ZNF354C: variants seen among roughly 807,000 people sequenced by gnomAD.
ZNF354C encodes KRAB-zinc finger protein synten.
Under a neutral mutation model 12.4 loss-of-function variants are expected in ZNF354C, and 7 were observed. The observed-to-expected ratio is 0.56, with a 90% CI of 0.32 to 1.06. The LOEUF (loss-of-function observed/expected upper bound fraction) is 1.06, where lower values mean the gene tolerates loss of function less well. Among genes scored for constraint, ZNF354C ranks in the 50% least tolerant of loss-of-function variants. The probability of loss-of-function intolerance (pLI) is 0.04; values close to 1 mark genes in which losing one functional copy is unlikely to be tolerated. For synonymous variants in ZNF354C, 202 were observed against 224.5 expected (o/e 0.90, Z 0.90); for missense variants, 609 against 658.0 (o/e 0.93, Z 0.81).
At position 179,078,882 on chromosome 5, in the gene ZNF354C, T is replaced by G. The variant is rs368042307; in HGVS notation, c.450T>G (p.His150Gln). Residue 150 changes from histidine to glutamine, a missense_variant, in exon 5 of 5, where the codon CAT (histidine) becomes CAG (glutamine). His to Gln is a conservative substitution (Grantham distance 24, BLOSUM62 0). Coordinates refer to ENST00000315475, the MANE Select transcript of ZNF354C (RefSeq NM_014594.3). ...CTCTTAGACAAATGATAGATTCGCATGAGAAAACCATCAGTGAAGATGGAA... is the reference window on the plus strand; with the variant it reads ...CTCTTAGACAAATGATAGATTCGCAGGAGAAAACCATCAGTGAAGATGGAA... ...KKPLRQMIDS[H>Q]EKTISEDGNH... The G allele has an allele frequency of 5.0e-6, 8 of 1,613,948 alleles. No individual in the cohort carries two copies. The highest frequency in any genetic ancestry group is 5.9e-6 in the Non-Finnish European group (7 of 1,180,010).
rs746981450 is a variant in ZNF354C, at chr5:179,079,223, G to T, written c.791G>T (p.Arg264Ile). 1 of 1,614,050 alleles carries T rather than the reference G, an allele frequency of 6.2e-7. No individual in the cohort carries two copies. Among genetic ancestry groups the T allele is most frequent in the South Asian group, 1.1e-5 (1 of 91,074 alleles). Residue 264 changes from arginine (R) to isoleucine (I), a missense_variant, in exon 5 of 5, where the codon AGA becomes ATA. By Grantham distance (97) the Arg-to-Ile change is moderately conservative. Transcript: ENST00000315475. This position sits in a 1 kb window ranked among gnomAD's most constrained non-coding sequence, Gnocchi z 4.2. ...SHRSSLLSHQ[R>I]IHTGEKPYKC... ...AGATCATCCCTTCTTTCTCATCAGA[G>T]AATTCATACTGGAGAGAAACCTTAC... is the stretch of plus-strand genomic sequence containing the variant.
chr5:179,078,945 A>G lies in ZNF354C; in HGVS notation c.513A>G (p.Thr171=), dbSNP rs1561751916. Residue 171 remains threonine (T), a synonymous_variant, in exon 5 of 5, where the codon ACA becomes ACG. Coordinates refer to ENST00000315475, the MANE Select transcript of ZNF354C (RefSeq NM_014594.3). Reference sequence around the variant, plus strand: ...TTGAATTGGGGAAAAGCTTATTTACAAATACAGCTCTTGTCACACAACAGA... The same window carrying G: ...TTGAATTGGGGAAAAGCTTATTTACGAATACAGCTCTTGTCACACAACAGA... ...TSLELGKSLF[T]NTALVTQQSV... The G allele has an allele frequency of 5.6e-6, 9 of 1,613,950 alleles. No individual in the cohort carries two copies. Among genetic ancestry groups the G allele is most frequent in the Admixed American group, 1.7e-5 (1 of 60,008 alleles).
intron 2 of ZNF354C, among the ~76,000 whole-genome samples, chr5:179,071,544 G>T (rs1339026762): frequency 6.6e-6 from 1 of 152,132 alleles, no homozygotes; most frequent in African/African-American, 2.4e-5. Flanking sequence ...AAAGCAGACA[G>T]ATATTAGACA....
chr5:179,063,749 C>T (rs1228291443), intron 2 of ZNF354C, among the ~76,000 whole-genome samples: 2 of 152,224 alleles, frequency 1.3e-5, no homozygotes, highest in Admixed American at 1.3e-4. Context: ...ATCAAGGTCA[C>T]ACAGCTGGCT....
At chr5:179,076,654 G>T (rs1581120261) in intron 3 of ZNF354C, 83 bp downstream of exon 3, 1 of 1,545,976 alleles carries the variant, frequency 6.5e-7, no homozygotes, top group Non-Finnish European at 8.8e-7. Flanking sequence ...CTGTGGTCTT[G>T]TACCCTACTG....
Position 179,078,856 on chromosome 5 carries a change from C to A in ZNF354C, c.424C>A (p.Pro142Thr). 1 of 1,614,024 alleles carries A rather than the reference C, an allele frequency of 6.2e-7. No individual in the cohort carries two copies. The highest frequency in any genetic ancestry group is 1.7e-4 in the Middle Eastern group (1 of 6,060). The change falls in exon 5 of 5, where the codon CCT (proline) becomes ACT (threonine). Residue 142 changes from proline to threonine, a missense_variant. Transcript: ENST00000315475. ...GATAGAAGAAGAGCAAGAGAAGAAA[C>A]CTCTTAGACAAATGATAGATTCGCA... ...SEIEEEQEKK[P>T]LRQMIDSHEK...
Position 179,079,138 on chromosome 5 carries a change from A to C in ZNF354C, c.706A>C (p.Arg236=). 1 of 1,613,922 alleles carries C rather than the reference A, an allele frequency of 6.2e-7. No homozygotes were observed. The highest frequency in any genetic ancestry group is 2.2e-5 in the East Asian group (1 of 44,874). The change falls in exon 5 of 5, where the codon AGA becomes CGA. Residue 236 remains arginine, a synonymous_variant. Transcript: ENST00000315475. The surrounding 1 kb of genome is among the most constrained non-coding windows in gnomAD (Gnocchi z 4.2). The part of the protein sequence containing the change: ...KQNLHLIEHQ[R]IHTGEKPYKC... ...GAATCTGCATCTTATTGAACATCAG[A>C]GAATTCATACAGGTGAGAAACCCTA...
chr5:179,068,950 T>A (rs1459252642), intron 2 of ZNF354C, among the ~76,000 whole-genome samples: 1 of 152,198 alleles, frequency 6.6e-6, no homozygotes, highest in African/African-American at 2.4e-5. Context: ...CGTGTCCTGA[T>A]CTCCCCTTCT....
chr5:179,082,126 C>A lies in ZNF354C; in HGVS notation c.*2029C>A, dbSNP rs1436499147. Reference sequence around the variant, plus strand: ...ATCTGGCAAAAATCGATGGTAAAACCCATTAAGTGGAAAAAATTTTAAGGA... The same window carrying A: ...ATCTGGCAAAAATCGATGGTAAAACACATTAAGTGGAAAAAATTTTAAGGA... On this transcript the variant is annotated 3_prime_UTR_variant, in exon 5 of 5. Transcript: ENST00000315475. 3.3e-5 allele frequency: 5 copies of A among 152,164 alleles called. No homozygotes were observed. Among genetic ancestry groups the A allele is most frequent in the African/African-American group, 1.2e-4 (5 of 41,364 alleles). 9.4% of individuals were successfully genotyped at this position (152,164 alleles called of 1,614,324 possible).
intron 2 of ZNF354C, among the ~76,000 whole-genome samples, chr5:179,063,997 C>T (rs533794338): frequency 5.3e-5 from 8 of 152,152 alleles, no homozygotes; most frequent in African/African-American, 9.7e-5. Context: ...GAAACCAAGA[C>T]GTAAAGACCA....
intron 2 of ZNF354C, among the ~76,000 whole-genome samples, chr5:179,069,618 C>T (rs1762015605): frequency 6.7e-6 from 1 of 148,586 alleles, no homozygotes; most frequent in East Asian, 2.0e-4. Flanking sequence ...GTAATCCCAG[C>T]ACTTTGGGAG....
rs768373122 is a variant in ZNF354C at position 179,062,034 on chromosome 5, T to C, written c.-35T>C. 3.7e-6 allele frequency: 6 copies of C among 1,613,750 alleles called. No individual in the cohort carries two copies. The highest frequency in any genetic ancestry group is 1.7e-5 in the Admixed American group (1 of 60,018). ...CTGCAGACCCACCGTGTCCACACTC[T>C]GCTCTCCCTGGGCAGGAAGACTGAG... is the stretch of plus-strand genomic sequence containing the variant. On this transcript the variant is annotated 5_prime_UTR_variant, in exon 2 of 5. Coordinates refer to ENST00000315475, the MANE Select transcript of ZNF354C (RefSeq NM_014594.3).
At chr5:179,065,035 CT>C (rs1387251041) in intron 2 of ZNF354C, among the ~76,000 whole-genome samples, 2 of 151,962 alleles carry the variant, frequency 1.3e-5, no homozygotes, top group East Asian at 1.9e-4. Context: ...TAAATAAGTA[CT>C]TTTTTGATAT....
At chr5:179,075,525 A>T (rs1460016364) in intron 2 of ZNF354C, among the ~76,000 whole-genome samples, 1 of 152,210 alleles carries the variant, frequency 6.6e-6, no homozygotes, top group Non-Finnish European at 1.5e-5. Context: ...ACTGTAAAAA[A>T]CTGTAAGCCT....
rs756629110 is a variant in ZNF354C at position 179,076,583 on chromosome 5, T to C, written c.154+12T>C. 1 of 1,613,598 alleles carries C rather than the reference T, an allele frequency of 6.2e-7. No individual in the cohort carries two copies. The highest frequency in any genetic ancestry group is 8.5e-7 in the Non-Finnish European group (1 of 1,179,774). Reference sequence around the variant, plus strand: ...CCTGGTCTCACTGGGTAAGAATTTTTGCCTATGACGAAGAATCTGTTATAG... The same window carrying C: ...CCTGGTCTCACTGGGTAAGAATTTTCGCCTATGACGAAGAATCTGTTATAG... On this transcript the variant is annotated intron_variant, in intron 3 of 4. Transcript: ENST00000315475.
intron 2 of ZNF354C, among the ~76,000 whole-genome samples, chr5:179,066,741 TAAGATCTTTTTCCCTGTCTTCTTTCAA>T (rs1561747970): frequency 1.2e-4 from 19 of 152,364 alleles, no homozygotes; most frequent in Admixed American, 1.2e-3. Flanking sequence ...TCTCTATAGG[TAAGATCTTTTTCCCTGTCTTCTTTCAA>T]GATTTTCCCT....
intron 4 of ZNF354C, among the ~76,000 whole-genome samples, chr5:179,077,620 TAAAAA>T (rs746598248): frequency 6.6e-6 from 1 of 151,954 alleles, no homozygotes; most frequent in Non-Finnish European, 1.5e-5. Context: ...AAGAGGAAAA[TAAAAA>T]GAAAGGTAAT....
At chr5:179,068,368 C>T (rs1339160338) in intron 2 of ZNF354C, among the ~76,000 whole-genome samples, 5 of 152,108 alleles carry the variant, frequency 3.3e-5, no homozygotes, top group African/African-American at 4.8e-5. Context: ...TTTTTTAGCA[C>T]GCGTCTGTTT....
rs941385061 is a variant in ZNF354C, at chr5:179,077,244, C to T, written c.250+78C>T. 1.2e-5 allele frequency: 14 copies of T among 1,196,034 alleles called. No individual in the cohort carries two copies. In the African/African-American group the frequency reaches 1.8e-4, roughly 15 times the overall value. The allele number at this position is 1,196,034 out of a possible 1,614,324, so 74.1% of individuals were successfully genotyped here. A position where few individuals can be genotyped will look rare whatever the true frequency, so the allele number is the denominator to read the frequency against. ...TCACAAAGAGGCAGTTCTTGGGAAA[C>T]TCTTGGAAATACTGAGTCCTCTTGA... On this transcript the variant is annotated intron_variant, in intron 4 of 4. Transcript: ENST00000315475.
Sources: gnomAD v4.1 joint callset for allele counts (sites outside exome capture counted in the v4.1 genomes callset) on GRCh38, gnomAD v4.1.1 for gene constraint, Gnocchi (gnomAD v3.1) non-coding constraint, MANE v1.5 for transcripts, NCBI Gene and HGNC (gene_info 2026-07-23, HGNC 2026-07-21) for gene names.